The following AFF1 variants were observed in gnomAD, a reference collection of about 807,000 sequenced individuals.
The protein encoded by AFF1 is AF4/FMR2 family member 1.
AFF1 carries 48 observed loss-of-function variants against 121.7 expected under a neutral mutation model. That is an observed-to-expected ratio of 0.39 (90% CI 0.31 to 0.50). AFF1 has a LOEUF of 0.50. AFF1 is among the 20% of genes least tolerant of loss of function. The pLI, the probability that AFF1 is intolerant of heterozygous loss-of-function variation, is 0.76. For synonymous variants in AFF1, 613 were observed against 563.0 expected (o/e 1.09, Z -1.26); for missense variants, 1,523 against 1,511.7 (o/e 1.01, Z -0.12).
chr4:87,095,718 T>C (rs530998056), intron 8 of AFF1, among the ~76,000 whole-genome samples: 20 of 152,270 alleles, frequency 1.3e-4, no homozygotes, highest in African/African-American at 4.8e-4. Context: ...ATATTTTGGG[T>C]TATGGGAACG....
intron 4 of AFF1, among the ~76,000 whole-genome samples, chr4:87,065,300 G>T (rs1663891280): frequency 6.6e-6 from 1 of 152,136 alleles, no homozygotes; most frequent in African/African-American, 2.4e-5. Context: ...CAGATCTCAT[G>T]AGACTCACTG....
intron 4 of AFF1, among the ~76,000 whole-genome samples, chr4:87,056,350 A>T (rs931923405): frequency 6.6e-6 from 1 of 152,240 alleles, no homozygotes; most frequent in Non-Finnish European, 1.5e-5. Flanking sequence ...AAAGGAAGGC[A>T]TTCTATGTTA....
intron 2 of AFF1, among the ~76,000 whole-genome samples, chr4:87,024,532 T>C (rs1728336638): frequency 6.6e-6 from 1 of 152,162 alleles, no homozygotes; most frequent in South Asian, 2.1e-4. Flanking sequence ...AGGGGATGTA[T>C]GTGGATGGAA....
intron 2 of AFF1, chr4:86,973,841 A>G (rs1723111561): frequency 6.6e-6 from 1 of 150,432 alleles, no homozygotes; most frequent in Non-Finnish European, 1.5e-5. Flanking sequence ...TACTTATTGA[A>G]GATCTGCTGT....
chr4:86,970,790 G>A (rs993174696), intron 2 of AFF1, among the ~76,000 whole-genome samples: 7 of 152,200 alleles, frequency 4.6e-5, no homozygotes, highest in Admixed American at 2.6e-4. Flanking sequence ...GGAGCTGGGG[G>A]TGGAGGGAAC....
At chr4:87,000,307 A>G (rs1725588440) in intron 2 of AFF1, among the ~76,000 whole-genome samples, 1 of 152,200 alleles carries the variant, frequency 6.6e-6, no homozygotes, top group African/African-American at 2.4e-5. Context: ...AGCCAGCCTA[A>G]ACTTCTCAAA....
chr4:86,979,210 G>C (rs1560514013), intron 2 of AFF1, among the ~76,000 whole-genome samples: 1 of 152,142 alleles, frequency 6.6e-6, no homozygotes, highest in Non-Finnish European at 1.5e-5. Flanking sequence ...TCATTCTCCT[G>C]CCTCAGCCTC....
intron 2 of AFF1, among the ~76,000 whole-genome samples, chr4:87,005,382 T>G (rs1038925873): frequency 1.3e-5 from 2 of 152,232 alleles, no homozygotes; most frequent in African/African-American, 4.8e-5. Context: ...GGAAAGTCTT[T>G]AAGTATTGGC....
At chr4:87,080,902 C>A (rs548078094) in intron 4 of AFF1, among the ~76,000 whole-genome samples, 7 of 152,268 alleles carry the variant, frequency 4.6e-5, no homozygotes, top group East Asian at 3.9e-4. Flanking sequence ...ATAAAATGAT[C>A]TCATACTATG....
chr4:87,134,434 C>T (rs769814258), intron 19 of AFF1, 37 bp from the exon 20 acceptor site: 2 of 1,530,036 alleles, frequency 1.3e-6, no homozygotes, highest in Admixed American at 1.9e-5. Flanking sequence ...CTACTGGTGA[C>T]TGACTGATCA....
At chr4:87,042,341 A>G (rs938462281) in intron 2 of AFF1, among the ~76,000 whole-genome samples, 3 of 152,232 alleles carry the variant, frequency 2.0e-5, no homozygotes, top group Admixed American at 6.5e-5. Context: ...GTGACTGGCA[A>G]AACAATTTAG....
At chr4:86,983,355 C>G (rs149599746) in intron 2 of AFF1, among the ~76,000 whole-genome samples, 1 of 151,936 alleles carries the variant, frequency 6.6e-6, no homozygotes. Context: ...GGAGAAACCT[C>G]GTCTCTACTA....
At chr4:87,066,887 C>G (rs1721410242) in intron 4 of AFF1, among the ~76,000 whole-genome samples, 1 of 152,102 alleles carries the variant, frequency 6.6e-6, no homozygotes, top group African/African-American at 2.4e-5. Context: ...GATGTTTCTC[C>G]CACATTAATT....
chr4:87,118,546 G>A (rs768355769), intron 12 of AFF1, among the ~76,000 whole-genome samples: 2 of 152,114 alleles, frequency 1.3e-5, no homozygotes, highest in African/African-American at 4.8e-5. Context: ...ACAGGGTCTC[G>A]CTCTGTTGCC....
chr4:87,115,881 T>G (rs1727073196), intron 12 of AFF1, among the ~76,000 whole-genome samples: 1 of 152,084 alleles, frequency 6.6e-6, no homozygotes, highest in African/African-American at 2.4e-5. Context: ...CCTCCCAAAG[T>G]GATGGGATTA....
chr4:86,993,186 C>T (rs1724864268), intron 2 of AFF1, among the ~76,000 whole-genome samples: 1 of 152,174 alleles, frequency 6.6e-6, no homozygotes, highest in African/African-American at 2.4e-5. Flanking sequence ...TTAGGTTTTG[C>T]TTGGATTCAA....
chr4:87,043,240 C>G (rs1243916350), intron 2 of AFF1, among the ~76,000 whole-genome samples: 1 of 152,132 alleles, frequency 6.6e-6, no homozygotes, highest in Admixed American at 6.5e-5. Flanking sequence ...GGGGAGAACT[C>G]CCTTGGTGGT....
At chr4:87,049,816 C>T (rs1024186198) in intron 4 of AFF1, 2 of 449,430 alleles carry the variant, frequency 4.5e-6, no homozygotes, top group African/African-American at 2.0e-5. Context: ...CTCTCGGTGA[C>T]CCCTTTGAGG....
intron 2 of AFF1, among the ~76,000 whole-genome samples, chr4:87,001,207 CTTTTTTTT>C (rs34072831): frequency 0.02 from 1,207 of 60,308 alleles, 33 homozygotes; most frequent in African/African-American, 0.057. Flanking sequence ...CCTTTTTCTA[CTTTTTTTT>C]TTTTTTTTTT....
Sources: gnomAD v4.1 joint callset for allele counts (sites outside exome capture counted in the v4.1 genomes callset) on GRCh38, gnomAD v4.1.1 for gene constraint, MANE v1.5 for transcripts, NCBI Gene and HGNC (gene_info 2026-07-23, HGNC 2026-07-21) for gene names.